Variants in FAM178B observed in about 807,000 individuals in gnomAD.
FAM178B encodes protein FAM178B.
Under a neutral mutation model 91.7 loss-of-function variants are expected in FAM178B, and 82 were observed. That is an observed-to-expected ratio of 0.89 (90% CI 0.75 to 1.07). The LOEUF (loss-of-function observed/expected upper bound fraction) is 1.07, where lower values mean the gene tolerates loss of function less well. Ranked by LOEUF, FAM178B falls within the 50% of genes least tolerant of loss-of-function variation. The pLI is 0.00. For synonymous variants in FAM178B, 368 were observed against 359.4 expected, an observed-to-expected ratio of 1.02 and a Z score of -0.27; for missense variants, 769 against 846.7, an observed-to-expected ratio of 0.91 and a Z score of 1.14.
intron 6 of FAM178B, among the ~76,000 whole-genome samples, chr2:96,958,414 G>A (rs1430960471): frequency 1.3e-5 from 2 of 151,944 alleles, no homozygotes; most frequent in Non-Finnish European, 2.9e-5. Flanking sequence ...AAGGCCAGGC[G>A]CAGTGGCTCA....
chr2:96,876,392 C>T, intron 16 of FAM178B, 84 bp from the exon 17 acceptor site: 1 of 1,515,366 alleles, frequency 6.6e-7, no homozygotes, highest in East Asian at 2.4e-5. Flanking sequence ...TGGCGGTGTC[C>T]ATTCAGCACC....
intron 13 of FAM178B, among the ~76,000 whole-genome samples, chr2:96,898,946 G>C (rs965624028): frequency 6.6e-6 from 1 of 152,242 alleles, no homozygotes; most frequent in Admixed American, 6.5e-5. Flanking sequence ...GGCAAGCCCC[G>C]TGGAGGAGAC....
chr2:96,890,632 T>G (rs1260045196), intron 14 of FAM178B, among the ~76,000 whole-genome samples: 1 of 152,176 alleles, frequency 6.6e-6, no homozygotes, highest in East Asian at 1.9e-4. Context: ...AGGTGGTAGC[T>G]TGGAGAGACA....
chr2:96,981,533 C>T (rs1033152915), intron 1 of FAM178B, among the ~76,000 whole-genome samples: 3 of 151,894 alleles, frequency 2.0e-5, no homozygotes, highest in Non-Finnish European at 4.4e-5. Flanking sequence ...AGGCAGATCA[C>T]GAGGTGAGGA....
Position 96,944,099 on chromosome 2 carries a change from C to T in FAM178B, c.1078+3719G>A, listed in dbSNP as rs1003224835. ...CTCTACTAAAAATACAAAAATTAGC[C>T]GGGTGTGGTAGCGGTGCCTGTAGTC... On this transcript the variant is annotated intron_variant, in intron 8 of 16. Transcript: ENST00000490605. Among the ~76,000 whole-genome samples the T allele has an allele frequency of 3.3e-5, 5 of 151,990 alleles. No homozygotes were observed. The East Asian group carries it at 9.7e-4, about 29-fold the overall frequency.
chr2:96,927,704 T>G (rs1285890766), intron 9 of FAM178B, among the ~76,000 whole-genome samples: 1 of 152,146 alleles, frequency 6.6e-6, no homozygotes. Flanking sequence ...CAAGCCGCAG[T>G]CAAATCCTGG....
chr2:96,918,332 G>A (rs1466851509), intron 12 of FAM178B, among the ~76,000 whole-genome samples: 2 of 152,250 alleles, frequency 1.3e-5, no homozygotes, highest in African/African-American at 4.8e-5. Flanking sequence ...TTAACTGATA[G>A]GAAAGTGGGT....
intron 14 of FAM178B, among the ~76,000 whole-genome samples, chr2:96,887,849 C>T (rs913973292): frequency 2.1e-5 from 3 of 142,958 alleles, no homozygotes; most frequent in Non-Finnish European, 4.6e-5. Context: ...GAAGGGTCTC[C>T]GGGAGGACTG....
chr2:96,966,449 C>T (rs2082145078), intron 5 of FAM178B, among the ~76,000 whole-genome samples: 1 of 152,162 alleles, frequency 6.6e-6, no homozygotes, highest in South Asian at 2.1e-4. Context: ...GCCCTTGCAG[C>T]ACAACTTCAC....
intron 12 of FAM178B, 117 bp downstream of exon 12, chr2:96,921,048 G>C (rs1381309578): frequency 2.6e-6 from 2 of 767,228 alleles, no homozygotes; most frequent in East Asian, 2.7e-5. Flanking sequence ...TCCCTCCTGG[G>C]GATTAGAAAT....
intron 8 of FAM178B, among the ~76,000 whole-genome samples, chr2:96,933,420 TA>T (rs2081575302): frequency 6.6e-6 from 1 of 151,950 alleles, no homozygotes; most frequent in Non-Finnish European, 1.5e-5. Context: ...AGGCCTAAAA[TA>T]AAAGTGGCTT....
chr2:96,953,748 A>G (rs2081961365), intron 6 of FAM178B, among the ~76,000 whole-genome samples: 1 of 152,204 alleles, frequency 6.6e-6, no homozygotes, highest in Non-Finnish European at 1.5e-5. Flanking sequence ...GGCCGAGTGC[A>G]TGCTCGGTGG....
At chr2:96,939,706 T>C (rs2081694175) in intron 8 of FAM178B, among the ~76,000 whole-genome samples, 1 of 152,086 alleles carries the variant, frequency 6.6e-6, no homozygotes, top group Non-Finnish European at 1.5e-5. Flanking sequence ...AAGGGCTGGC[T>C]GACCACAGAG....
rs116325579 is a variant in FAM178B, at chr2:96,929,012, G to T, written c.1193+194C>A. Among the ~76,000 whole-genome samples, 1,196 of 152,108 alleles carry T rather than the reference G, an allele frequency of 7.9e-3. 7 individuals carry two copies. The highest frequency in any genetic ancestry group is 0.013 in the Non-Finnish European group (869 of 67,994). On this transcript the variant is annotated intron_variant, in intron 9 of 16. Transcript: ENST00000490605. Reference sequence around the variant, plus strand: ...ACCTCTACAAAAAATTAAAAAATTCGCCAGGCGTGGTGGTGCGTACCTGTA... The same window carrying T: ...ACCTCTACAAAAAATTAAAAAATTCTCCAGGCGTGGTGGTGCGTACCTGTA...
chr2:96,910,414 T>A (rs761938428), intron 12 of FAM178B, among the ~76,000 whole-genome samples: 1 of 152,138 alleles, frequency 6.6e-6, no homozygotes, highest in Non-Finnish European at 1.5e-5. Flanking sequence ...CGACGACCAA[T>A]ATTTGATTCC....
At position 96,886,104 on chromosome 2, in the gene FAM178B, A is replaced by G. The variant is rs181161876; in HGVS notation, c.1777-7611T>C. Among the ~76,000 whole-genome samples, 187 of 152,250 alleles carry G rather than the reference A, an allele frequency of 1.2e-3. 1 individual carries two copies. Among genetic ancestry groups the G allele is most frequent in the African/African-American group, 4.3e-3 (180 of 41,556 alleles). The stretch of plus-strand genomic sequence containing the variant: ...ATCCTTCCCACCAACACCAGAGCAC[A>G]AGGCCACTGCCCGTGACTGAACCAC... On this transcript the variant is annotated intron_variant, in intron 14 of 16. Coordinates refer to ENST00000490605, the MANE Select transcript of FAM178B (RefSeq NM_001122646.3).
At chr2:96,939,388 C>G (rs544026516) in intron 8 of FAM178B, among the ~76,000 whole-genome samples, 2 of 151,724 alleles carry the variant, frequency 1.3e-5, no homozygotes, top group African/African-American at 4.8e-5. Context: ...CCCAGCTACT[C>G]GGGAGGCTGA....
chr2:96,896,146 G>A (rs539893698), intron 13 of FAM178B, among the ~76,000 whole-genome samples: 7 of 152,342 alleles, frequency 4.6e-5, no homozygotes, highest in East Asian at 1.9e-4. Context: ...CACCCCCAGC[G>A]TGGCCTTTGG....
intron 14 of FAM178B, among the ~76,000 whole-genome samples, chr2:96,886,602 A>G (rs1398784504): frequency 1.3e-5 from 2 of 152,186 alleles, no homozygotes; most frequent in African/African-American, 4.8e-5. Flanking sequence ...AGTCTGATGA[A>G]CTGTCCCAGG....
Sources: allele counts gnomAD v4.1 joint callset (sites outside exome capture counted in the v4.1 genomes callset), GRCh38; gene constraint gnomAD v4.1.1; transcripts MANE v1.5; gene names NCBI Gene and HGNC (gene_info 2026-07-23, HGNC 2026-07-21).